PLEKHG2: variants seen among roughly 807,000 people sequenced by gnomAD.
PLEKHG2 encodes pleckstrin homology domain-containing family G member 2.
PLEKHG2 carries 71 observed loss-of-function variants against 104.4 expected under a neutral mutation model. That is an observed-to-expected ratio of 0.68 (90% CI 0.56 to 0.83). PLEKHG2 has a LOEUF of 0.83. Ranked by LOEUF, PLEKHG2 falls within the 40% of genes least tolerant of loss-of-function variation. The pLI is 0.00. For missense variants in PLEKHG2, 1,730 were observed against 1,809.4 expected (o/e 0.96, Z 0.80); for synonymous variants, 728 against 737.0 (o/e 0.99, Z 0.20).
intron 11 of PLEKHG2, 45 bp from the exon 12 acceptor site, chr19:39,420,581 A>C (rs2146001696): frequency 1.2e-6 from 2 of 1,613,328 alleles, no homozygotes; most frequent in Middle Eastern, 3.3e-4. Context: ...TCTCTGTGGT[A>C]CTCCAAGATC....
chr19:39,425,146 C>G lies in PLEKHG2; in HGVS notation c.4013C>G (p.Thr1338Arg). The stretch of plus-strand genomic sequence containing the variant: ...GCCAGGCGGCTCAGCTATGCCACGA[C>G]GGTTAACATCCACGTGGGCGGGGGT... ...PPARRLSYAT[T>R]VNIHVGGGGR... The change falls in exon 19 of 19, where the codon ACG becomes AGG. Residue 1338 changes from threonine to arginine, a missense_variant. By Grantham distance (71) the Thr-to-Arg change is moderately conservative (BLOSUM62 -1). Transcript: ENST00000425673. 1 of 1,591,138 alleles carries G rather than the reference C, an allele frequency of 6.3e-7. No individual in the cohort carries two copies. The highest frequency in any genetic ancestry group is 8.5e-7 in the Non-Finnish European group (1 of 1,170,458).
chr19:39,415,866 C>G lies in PLEKHG2; in HGVS notation c.479+427C>G, dbSNP rs572288463. Among the ~76,000 whole-genome samples the G allele has an allele frequency of 1.1e-3, 172 of 152,256 alleles. No homozygotes were observed. Among genetic ancestry groups the G allele is most frequent in the Non-Finnish European group, 1.9e-3 (127 of 68,016 alleles). ...TGAAGGCCGAGACAGCGTGAGCATG[C>G]GAGTGACCCCCTAAGCCTGATTTGC... On this transcript the variant is annotated intron_variant, in intron 4 of 18. Transcript: ENST00000425673. This position sits in a 1 kb window ranked among gnomAD's most constrained non-coding sequence, Gnocchi z 4.6.
rs756102099 is a variant in PLEKHG2 at position 39,422,789 on chromosome 19, G to A, written c.1735G>A (p.Glu579Lys). ...PGDSQVPGDS[E>K]TLTFQALPSR... ...AGACTCCCAGGTGCCTGGCGACAGC[G>A]AAACCCTCACATTCCAAGCCCTGCC... Residue 579 changes from glutamate to lysine, a missense_variant, in exon 18 of 19, where the codon GAA (glutamate) becomes AAA (lysine). Coordinates refer to ENST00000425673, the MANE Select transcript of PLEKHG2 (RefSeq NM_022835.3). The A allele has an allele frequency of 1.6e-5, 24 of 1,527,282 alleles. No homozygotes were observed. Among genetic ancestry groups the A allele is most frequent in the East Asian group, 1.1e-4 (5 of 44,278 alleles). 94.6% of individuals were successfully genotyped at this position (1,527,282 alleles called of 1,614,324 possible).
chr19:39,422,012 A>G, intron 16 of PLEKHG2, 103 bp from the exon 17 acceptor site: 1 of 1,248,796 alleles, frequency 8.0e-7, no homozygotes. Context: ...GCGAGACTCC[A>G]TCTCAAAACA....
At position 39,423,314 on chromosome 19, in the gene PLEKHG2, G is replaced by A. The variant is rs1186297357; in HGVS notation, c.2260G>A (p.Gly754Arg). The A allele has an allele frequency of 1.2e-6, 2 of 1,614,062 alleles. No homozygotes were observed. The highest frequency in any genetic ancestry group is 1.7e-6 in the Non-Finnish European group (2 of 1,179,904). Residue 754 changes from glycine to arginine, a missense_variant, in exon 18 of 19, where the codon GGA becomes AGA. By Grantham distance (125) the Gly-to-Arg change is moderately radical. Coordinates refer to ENST00000425673, the MANE Select transcript of PLEKHG2 (RefSeq NM_022835.3). ...FQPQDVTQHQ[G>R]FPDELAFRSC... ...GCCCCAGGATGTCACCCAACATCAG[G>A]GATTCCCAGATGAGCTGGCATTCCG...
chr19:39,419,516 C>T (rs1377795033), intron 11 of PLEKHG2, among the ~76,000 whole-genome samples: 1 of 152,064 alleles, frequency 6.6e-6, no homozygotes, highest in Non-Finnish European at 1.5e-5. Flanking sequence ...CCAAGGCGGG[C>T]GGATCACCTG....
chr19:39,419,138 T>G, intron 11 of PLEKHG2, 135 bp downstream of exon 11: 1 of 804,332 alleles, frequency 1.2e-6, no homozygotes, highest in Non-Finnish European at 1.8e-6. Flanking sequence ...ATTCCGCTAC[T>G]TGGGTTTGAA....
chr19:39,421,162 G>A, intron 15 of PLEKHG2, 49 bp downstream of exon 15: 1 of 1,613,234 alleles, frequency 6.2e-7, no homozygotes, highest in Non-Finnish European at 8.5e-7. Flanking sequence ...CTGTCGCCCG[G>A]TGGGATGTCT....
At position 39,424,476 on chromosome 19, in the gene PLEKHG2, C is replaced by T. The variant is rs770814729; in HGVS notation, c.3343C>T (p.His1115Tyr). 2 of 1,614,128 alleles carry T rather than the reference C, an allele frequency of 1.2e-6. No homozygotes were observed. The highest frequency in any genetic ancestry group is 1.7e-6 in the Non-Finnish European group (2 of 1,180,020). ...TCCAGGTACCTCACCTTTGCCTGCA[C>T]ATGGAAGCCACCTGGACCATCGGAT... Reference protein sequence around the residue: ...QIPGTSPLPAHGSHLDHRIPA... With the variant: ...QIPGTSPLPAYGSHLDHRIPA... Residue 1115 changes from histidine to tyrosine, a missense_variant, in exon 19 of 19, where the codon CAT becomes TAT. Transcript: ENST00000425673.
rs1264563266 is a variant in PLEKHG2, at chr19:39,413,385, C to T, written c.-50C>T. 1 of 152,184 alleles carries T rather than the reference C, an allele frequency of 6.6e-6. No individual in the cohort carries two copies. The highest frequency in any genetic ancestry group is 2.4e-5 in the African/African-American group (1 of 41,408). 9.4% of individuals were successfully genotyped at this position (152,184 alleles called of 1,614,324 possible). On this transcript the variant is annotated 5_prime_UTR_variant, in exon 1 of 19. Coordinates refer to ENST00000425673, the MANE Select transcript of PLEKHG2 (RefSeq NM_022835.3). The surrounding 1 kb of genome is among the most constrained non-coding windows in gnomAD (Gnocchi z 4.5). ...GGGTCGCGCAGGAGCCGGGCTGCCT[C>T]GAGCCGGGGCTGGAGGCTCCCCGGG...
Position 39,426,590 on chromosome 19 carries a change from C to T in PLEKHG2, c.*1296C>T, listed in dbSNP as rs561508426. The T allele has an allele frequency of 6.6e-6, 1 of 152,248 alleles. No homozygotes were observed. Among genetic ancestry groups the T allele is most frequent in the Non-Finnish European group, 1.5e-5 (1 of 68,060 alleles). 9.4% of individuals were successfully genotyped at this position (152,248 alleles called of 1,614,324 possible). A position where few individuals can be genotyped will look rare whatever the true frequency, so the allele number is the denominator to read the frequency against. The stretch of plus-strand genomic sequence containing the variant: ...TCTCTGAAGCACCCTGGTGTCCTGG[C>T]TGTGAATTCAAGTCCCATCTTTACT... On this transcript the variant is annotated 3_prime_UTR_variant, in exon 19 of 19. Coordinates refer to ENST00000425673, the MANE Select transcript of PLEKHG2 (RefSeq NM_022835.3).
At chr19:39,421,982 A>C in intron 16 of PLEKHG2, 133 bp from the exon 17 acceptor site, 1 of 924,780 alleles carries the variant, frequency 1.1e-6, no homozygotes, top group Non-Finnish European at 1.5e-6. Context: ...GCGCCATTGC[A>C]CTGCAGGCTG....
Position 39,420,772 on chromosome 19 carries a change from T to C in PLEKHG2, c.1319T>C (p.Val440Ala). 6 of 1,614,118 alleles carry C rather than the reference T, an allele frequency of 3.7e-6. No individual in the cohort carries two copies. The highest frequency in any genetic ancestry group is 5.1e-6 in the Non-Finnish European group (6 of 1,180,014). The change falls in exon 13 of 19, where the codon GTC becomes GCC. Residue 440 changes from valine to alanine, a missense_variant. Val to Ala is a moderately conservative substitution (Grantham distance 64, BLOSUM62 0). Transcript: ENST00000425673. ...SLHCAPKSKP[V>A]LEPLTPPLGS... is the part of the protein sequence containing the mutation. Reference sequence around the variant, plus strand: ...ACAGGTGCCCCCAAAAGTAAGCCTGTCCTAGAGCCCCTGACACCCCCACTT... The same window carrying C: ...ACAGGTGCCCCCAAAAGTAAGCCTGCCCTAGAGCCCCTGACACCCCCACTT...
chr19:39,417,739 G>A (rs774785235), intron 8 of PLEKHG2, 47 bp downstream of exon 8: 68 of 1,578,164 alleles, frequency 4.3e-5, no homozygotes, highest in African/African-American at 9.5e-5. Flanking sequence ...GAGTGAGCGA[G>A]GGGGCCTTGG....
At position 39,423,460 on chromosome 19, in the gene PLEKHG2, C is replaced by A; in HGVS notation, c.2406C>A (p.Ser802Arg). ...CGGATCTGGGTGGAGACAGCGGGAG[C>A]GGGAAGGCAGGAGCCCCGAGTTCAG... is the stretch of plus-strand genomic sequence containing the variant. ...EDSDLGGDSG[S>R]GKAGAPSSER... is the part of the protein sequence containing the mutation. The change falls in exon 18 of 19, where the codon AGC (serine) becomes AGA (arginine). Residue 802 changes from serine to arginine, a missense_variant. Transcript: ENST00000425673. The A allele has an allele frequency of 6.2e-7, 1 of 1,603,016 alleles. No individual in the cohort carries two copies. Among genetic ancestry groups the A allele is most frequent in the South Asian group, 1.1e-5 (1 of 90,170 alleles).
At position 39,418,197 on chromosome 19, in the gene PLEKHG2, A is replaced by C. The variant is rs1054059460; in HGVS notation, c.1083+92A>C. ...TGTGCCCGGCAGTGTGGGCCAGGGGACCCTGCCACATTTTCTTGAGTTAGA... is the reference window on the plus strand; with the variant it reads ...TGTGCCCGGCAGTGTGGGCCAGGGGCCCCTGCCACATTTTCTTGAGTTAGA... On this transcript the variant is annotated intron_variant, in intron 9 of 18. Coordinates refer to ENST00000425673, the MANE Select transcript of PLEKHG2 (RefSeq NM_022835.3). The C allele has an allele frequency of 7.6e-5, 86 of 1,127,072 alleles. 1 individual carries two copies. The highest frequency in any genetic ancestry group is 1.6e-5 in the African/African-American group (1 of 61,652). 69.8% of individuals were successfully genotyped at this position (1,127,072 alleles called of 1,614,324 possible). A position where few individuals can be genotyped will look rare whatever the true frequency, so the allele number is the denominator to read the frequency against.
In PLEKHG2 at chr19:39,424,677, C is replaced by A. The variant is rs1319873387; in HGVS notation, c.3544C>A (p.Pro1182Thr). 6.2e-7 allele frequency: 1 copy of A among 1,614,076 alleles called. No homozygotes were observed. Among genetic ancestry groups the A allele is most frequent in the Non-Finnish European group, 8.5e-7 (1 of 1,180,044 alleles). The change falls in exon 19 of 19, where the codon CCG (proline) becomes ACG (threonine). Residue 1182 changes from proline to threonine, a missense_variant. Transcript: ENST00000425673. ...IQGPAAAPPLPEPSLTDTQVQ... is the reference protein window; with the variant it reads ...IQGPAAAPPLTEPSLTDTQVQ... ...GGGTCCAGCGGCTGCACCTCCACTTCCGGAGCCAAGCCTTACAGATACACA... is the reference window on the plus strand; with the variant it reads ...GGGTCCAGCGGCTGCACCTCCACTTACGGAGCCAAGCCTTACAGATACACA...
At position 39,421,125 on chromosome 19, in the gene PLEKHG2, C is replaced by T; in HGVS notation, c.1486+12C>T. On this transcript the variant is annotated intron_variant, in intron 15 of 18. Transcript: ENST00000425673. ...GTTCCCACAGAACGGTCAGTGACTG[C>T]CCCGGTTCAGCCTGGTCCATCCCTG... 1.2e-6 allele frequency: 2 copies of T among 1,614,070 alleles called. No homozygotes were observed. Among genetic ancestry groups the T allele is most frequent in the Non-Finnish European group, 1.7e-6 (2 of 1,180,026 alleles).
chr19:39,414,045 A>C lies in PLEKHG2; in HGVS notation c.-22-20A>C, dbSNP rs542626052. ...GAGGCCCATGGGGTCCTGATATCCA[A>C]GAAGGGGCTCTTTCTGCAGGACTCT... On this transcript the variant is annotated intron_variant, in intron 1 of 18. Coordinates refer to ENST00000425673, the MANE Select transcript of PLEKHG2 (RefSeq NM_022835.3). 4 of 1,524,162 alleles carry C rather than the reference A, an allele frequency of 2.6e-6. No individual in the cohort carries two copies. In the East Asian group the frequency reaches 9.9e-5, roughly 38 times the overall value. 94.4% of individuals were successfully genotyped at this position (1,524,162 alleles called of 1,614,324 possible).
Sources: allele counts gnomAD v4.1 joint callset (sites outside exome capture counted in the v4.1 genomes callset), GRCh38; gene constraint gnomAD v4.1.1; non-coding constraint Gnocchi (gnomAD v3.1); transcripts MANE v1.5; gene names NCBI Gene and HGNC (gene_info 2026-07-23, HGNC 2026-07-21).